The following FAT2 variants were observed in gnomAD, a reference collection of about 807,000 sequenced individuals.
The protein encoded by FAT2 is FAT atypical cadherin 2, also known as protocadherin Fat 2.
FAT2 carries 150 observed loss-of-function variants against 295.3 expected under a neutral mutation model. That is an observed-to-expected ratio of 0.51 (90% confidence interval 0.44 to 0.58). The LOEUF (loss-of-function observed/expected upper bound fraction) is 0.58. Ranked by LOEUF, FAT2 falls within the 20% of genes least tolerant of loss-of-function variation. FAT2 has a pLI of 0.00. For synonymous variants in FAT2, 2,026 were observed against 2,150.3 expected (o/e 0.94, Z 1.60); for missense variants, 4,868 against 5,442.7 (o/e 0.89, Z 3.32).
rs2127631279 is a variant in FAT2 at position 151,554,580 on chromosome 5, A to G, written c.3727T>C (p.Ser1243Pro). 1.2e-6 allele frequency: 2 copies of G among 1,614,146 alleles called. No individual in the cohort carries two copies. Among genetic ancestry groups the G allele is most frequent in the Non-Finnish European group, 1.7e-6 (2 of 1,180,004 alleles). The change falls in exon 5 of 24, where the codon TCC becomes CCC. Residue 1243 changes from serine (S) to proline (P), a missense_variant. Physicochemically the swap from Ser to Pro is moderately conservative, Grantham distance 74. Transcript: ENST00000261800. ...AGGCGGACATTGAAGAGCTTGTGGGAGAATATAGGTGGATTGTCATTGACG... is the reference window on the plus strand; with the variant it reads ...AGGCGGACATTGAAGAGCTTGTGGGGGAATATAGGTGGATTGTCATTGACG... ...LDVNDNPPIF[S>P]HKLFNVRLPE...
chr5:151,506,564 G>A (rs978814150), intron 23 of FAT2, among the ~76,000 whole-genome samples: 20 of 152,328 alleles, frequency 1.3e-4, no homozygotes, highest in African/African-American at 4.8e-4. Context: ...TCCTAGCCCT[G>A]CCTCTGCTAC....
rs754304635 is a variant in FAT2 at position 151,512,448 on chromosome 5, G to A, written c.11622C>T (p.Thr3874=). The A allele has an allele frequency of 4.3e-6, 7 of 1,614,254 alleles. No individual in the cohort carries two copies. Among genetic ancestry groups the A allele is most frequent in the African/African-American group, 4.0e-5 (3 of 75,072 alleles). ...GGCAGTTCTCTGGGACCACAAGGGA[G>A]GTGTTGCCCATGCTGTCAACCATCA... ...IRLMVDSMGN[T]SLVVPENCRG... is the part of the protein sequence containing the mutation. The change falls in exon 21 of 24, where the codon ACC becomes ACT. Residue 3874 remains threonine, a synonymous_variant. Transcript: ENST00000261800. The surrounding 1 kb of genome is among the most constrained non-coding windows in gnomAD (Gnocchi z 4.1).
chr5:151,554,317 C>G (rs1335486043), intron 5 of FAT2, 45 bp downstream of exon 5: 1 of 1,561,692 alleles, frequency 6.4e-7, no homozygotes, highest in African/African-American at 1.4e-5. Context: ...AGGCCACTAA[C>G]CAGCATGCCA....
chr5:151,565,613 T>C lies in FAT2; in HGVS notation c.3259+60A>G. On this transcript the variant is annotated intron_variant, in intron 2 of 23. Coordinates refer to ENST00000261800, the MANE Select transcript of FAT2 (RefSeq NM_001447.3). ...TTCCTTCAGCCCGCAGGCTGACTTC[T>C]TTTTCCTTCAGCCCATCTACCTCTG... is the stretch of plus-strand genomic sequence containing the variant. The C allele has an allele frequency of 2.7e-6, 4 of 1,487,130 alleles. No homozygotes were observed. The South Asian group carries it at 5.7e-5, about 21-fold the overall frequency. The allele number at this position is 1,487,130 out of a possible 1,614,324, so 92.1% of individuals were successfully genotyped here.
Position 151,563,618 on chromosome 5 carries a change from G to A in FAT2, c.3281C>T (p.Pro1094Leu). ...GTAAGATGCAAATTCTCGGTCCAGGGGTGCCAGAGTCTGAATCATTCCTAG... is the reference window on the plus strand; with the variant it reads ...GTAAGATGCAAATTCTCGGTCCAGGAGTGCCAGAGTCTGAATCATTCCTAG... The part of the protein sequence containing the change: ...QDTGMIQTLA[P>L]LDREFASYYW... The change falls in exon 3 of 24, where the codon CCC becomes CTC. Residue 1094 changes from proline (P) to leucine (L), a missense_variant. Coordinates refer to ENST00000261800, the MANE Select transcript of FAT2 (RefSeq NM_001447.3). 1 of 1,613,990 alleles carries A rather than the reference G, an allele frequency of 6.2e-7. No homozygotes were observed. The highest frequency in any genetic ancestry group is 8.5e-7 in the Non-Finnish European group (1 of 1,179,990).
At position 151,566,705 on chromosome 5, in the gene FAT2, C is replaced by T. The variant is rs1758284780; in HGVS notation, c.2227G>A (p.Asp743Asn). 2.5e-6 allele frequency: 4 copies of T among 1,614,170 alleles called. No homozygotes were observed. Among genetic ancestry groups the T allele is most frequent in the Non-Finnish European group, 3.4e-6 (4 of 1,180,044 alleles). Reference sequence around the variant, plus strand: ...ACCAGTTTGCCATTAAAACCAGCATCAGGGTCAGTGGCTGCTAGGCGGGCC... The same window carrying T: ...ACCAGTTTGCCATTAAAACCAGCATTAGGGTCAGTGGCTGCTAGGCGGGCC... ...PLARLAATDP[D>N]AGFNGKLVYV... is the part of the protein sequence containing the mutation. Residue 743 changes from aspartate (D) to asparagine (N), a missense_variant, in exon 2 of 24, where the codon GAT becomes AAT. Coordinates refer to ENST00000261800, the MANE Select transcript of FAT2 (RefSeq NM_001447.3).
At position 151,567,563 on chromosome 5, in the gene FAT2, G is replaced by A. The variant is rs1157362421; in HGVS notation, c.1369C>T (p.Leu457Phe). ...DIVDCNNHAP[L>F]FNRSSYDGTL... is the part of the protein sequence containing the mutation. Reference sequence around the variant, plus strand: ...CCATCATAGGAAGACCTGTTGAAGAGGGGGGCATGGTTGTTGCAGTCCACA... The same window carrying A: ...CCATCATAGGAAGACCTGTTGAAGAAGGGGGCATGGTTGTTGCAGTCCACA... Residue 457 changes from leucine to phenylalanine, a missense_variant, in exon 2 of 24, where the codon CTC (leucine) becomes TTC (phenylalanine). This residue lies in a region of FAT2 where 3,297 missense variants were observed against 3,669.4 expected (regional missense o/e 0.90). Coordinates refer to ENST00000261800, the MANE Select transcript of FAT2 (RefSeq NM_001447.3). The A allele has an allele frequency of 3.7e-6, 6 of 1,614,044 alleles. No homozygotes were observed. Among genetic ancestry groups the A allele is most frequent in the Admixed American group, 1.7e-5 (1 of 60,006 alleles).
At chr5:151,555,582 CTGGTCT>C (rs995589412) in intron 4 of FAT2, among the ~76,000 whole-genome samples, 1 of 151,810 alleles carries the variant, frequency 6.6e-6, no homozygotes, top group Non-Finnish European at 1.5e-5. Context: ...GTTGGCCAGG[CTGGTCT>C]TGAACTCCTA....
upstream of FAT2, among the ~76,000 whole-genome samples, chr5:151,592,493 G>C (rs775411055): frequency 1.3e-5 from 2 of 152,004 alleles, no homozygotes; most frequent in Non-Finnish European, 2.9e-5. Flanking sequence ...GTCTTTGCTT[G>C]CATACCTCTA....
At chr5:151,563,202 A>T in intron 3 of FAT2, 123 bp downstream of exon 3, 1 of 901,502 alleles carries the variant, frequency 1.1e-6, no homozygotes, top group Non-Finnish European at 1.7e-6. Context: ...CAGTGGATTT[A>T]GGGTGGGGCC....
At chr5:151,593,862 G>A (rs1759500043), upstream of FAT2, among the ~76,000 whole-genome samples, 2 of 152,078 alleles carry the variant, frequency 1.3e-5, no homozygotes, top group Admixed American at 6.5e-5. Flanking sequence ...AATTAGCTGG[G>A]TGTGGTGCCG....
chr5:151,521,154 C>T, intron 19 of FAT2, 122 bp downstream of exon 19: 1 of 1,008,616 alleles, frequency 9.9e-7, no homozygotes, highest in South Asian at 1.7e-5. Context: ...GATTGGTGGC[C>T]TTTGGGCTTA....
rs1158298029 is a variant in FAT2 at position 151,512,263 on chromosome 5, A to G, written c.11807T>C (p.Leu3936Pro). 1 of 1,614,082 alleles carries G rather than the reference A, an allele frequency of 6.2e-7. No homozygotes were observed. Among genetic ancestry groups the G allele is most frequent in the Non-Finnish European group, 8.5e-7 (1 of 1,180,032 alleles). ...GCACTGGGTGAGGGCTTGTGTCTCC[A>G]GCAAGCCTGCCACCGTCTTGCCAGG... ...LAPGKTVAGL[L>P]ETQALTQCCL... is the part of the protein sequence containing the mutation. Residue 3936 changes from leucine (L) to proline (P), a missense_variant, in exon 21 of 24, where the codon CTG becomes CCG. By Grantham distance (98) the Leu-to-Pro change is moderately conservative (BLOSUM62 -3). Around this residue, in one of 5 missense-constraint regions of FAT2, gnomAD observed 1,046 missense variants for 1,210.1 expected, o/e 0.86. Transcript: ENST00000261800. This position sits in a 1 kb window ranked among gnomAD's most constrained non-coding sequence, Gnocchi z 4.1.
chr5:151,540,758 C>A lies in FAT2; in HGVS notation c.8848G>T (p.Asp2950Tyr), dbSNP rs1414840986. The A allele has an allele frequency of 6.2e-7, 1 of 1,613,464 alleles. No homozygotes were observed. Reference sequence around the variant, plus strand: ...CTGATGCCAAACTGGCCCAGGGGGTCTCCCTCTAAACAGATGGGGCAGAGC... The same window carrying A: ...CTGATGCCAAACTGGCCCAGGGGGTATCCCTCTAAACAGATGGGGCAGAGC... ...RQVTCYITEG[D>Y]PLGQFGISQV... Residue 2950 changes from aspartate to tyrosine, a missense_variant, in exon 11 of 24, where the codon GAC becomes TAC. Asp to Tyr is a radical substitution (Grantham distance 160). Around this residue, in one of 5 missense-constraint regions of FAT2, gnomAD observed 3,297 missense variants for 3,669.4 expected, o/e 0.90. Coordinates refer to ENST00000261800, the MANE Select transcript of FAT2 (RefSeq NM_001447.3).
rs776602608 is a variant in FAT2 at position 151,542,586 on chromosome 5, G to A, written c.8541C>T (p.Leu2847=). 55 of 1,614,084 alleles carry A rather than the reference G, an allele frequency of 3.4e-5. No homozygotes were observed. The highest frequency in any genetic ancestry group is 4.7e-5 in the Non-Finnish European group (55 of 1,180,044). ...AACCACTCTCACTGTCAATGGCAAA[G>A]AGCTCATGGACATTGCTACCAGGGT... ...SADPGSNVHE[L]FAIDSESGWI... Residue 2847 remains leucine (L), a synonymous_variant, in exon 10 of 24, where the codon CTC becomes CTT. Transcript: ENST00000261800.
At chr5:151,577,538 G>C (rs142400325) in intron 1 of FAT2, among the ~76,000 whole-genome samples, 1 of 152,198 alleles carries the variant, frequency 6.6e-6, no homozygotes, top group Admixed American at 6.5e-5. Context: ...GTTATGTGGG[G>C]CAAGGGGTAG....
rs745784430 is a variant in FAT2, at chr5:151,507,343, A to C, written c.12328T>G (p.Ser4110Ala). 1.2e-6 allele frequency: 2 copies of C among 1,614,028 alleles called. No individual in the cohort carries two copies. Among genetic ancestry groups the C allele is most frequent in the African/African-American group, 2.7e-5 (2 of 74,910 alleles). Residue 4110 changes from serine (S) to alanine (A), a missense_variant, in exon 23 of 24, where the codon TCC becomes GCC. By Grantham distance (99) the Ser-to-Ala change is moderately conservative (BLOSUM62 1). Around this residue, in one of 5 missense-constraint regions of FAT2, gnomAD observed 492 missense variants for 482.6 expected, o/e 1.02. Transcript: ENST00000261800. ...TCCGGTTGGTTGAGGTTGTTGCAGG[A>C]GCTGGCACTCAATGGGTTGAGCTCG... ...AIELNPLSASSCNNLNQPEPS... is the reference protein window; with the variant it reads ...AIELNPLSASACNNLNQPEPS...
chr5:151,557,177 A>G (rs1328759179), intron 3 of FAT2, among the ~76,000 whole-genome samples: 1 of 152,156 alleles, frequency 6.6e-6, no homozygotes, highest in Non-Finnish European at 1.5e-5. Flanking sequence ...CTCGTCACTA[A>G]AATCTATGGA....
At position 151,537,906 on chromosome 5, in the gene FAT2, C is replaced by A. The variant is rs1185120577; in HGVS notation, c.9080G>T (p.Gly3027Val). The change falls in exon 12 of 24, where the codon GGA (glycine) becomes GTA (valine). Residue 3027 changes from glycine to valine, a missense_variant. By Grantham distance (109) the Gly-to-Val change is moderately radical (BLOSUM62 -3). Coordinates refer to ENST00000261800, the MANE Select transcript of FAT2 (RefSeq NM_001447.3). The stretch of plus-strand genomic sequence containing the variant: ...GGCAGAAACCTTCAAAATGAAGTGT[C>A]CTGGAAATACATCTTCATGAACCTT... ...TGKVHEDVFP[G>V]HFILKVSATD... The A allele has an allele frequency of 1.2e-6, 2 of 1,614,048 alleles. No individual in the cohort carries two copies. Among genetic ancestry groups the A allele is most frequent in the South Asian group, 2.2e-5 (2 of 91,054 alleles).
Sources: gnomAD v4.1 joint callset for allele counts (sites outside exome capture counted in the v4.1 genomes callset) on GRCh38, gnomAD v4.1.1 for gene constraint, gnomAD v4.1.1 regional missense constraint, Gnocchi (gnomAD v3.1) non-coding constraint, MANE v1.5 for transcripts, NCBI Gene and HGNC (gene_info 2026-07-23, HGNC 2026-07-21) for gene names.